The following TSPEAR variants were observed in gnomAD, a reference collection of about 807,000 sequenced individuals.
The protein encoded by TSPEAR is thrombospondin-type laminin G domain and EAR repeat-containing protein.
A neutral mutation model predicts 71.6 loss-of-function variants in TSPEAR; 69 were observed. The observed-to-expected ratio is 0.96, with a 90% CI of 0.79 to 1.18. TSPEAR has a LOEUF of 1.18. TSPEAR is among the 50% of genes most tolerant of loss of function. The pLI is 0.00. For synonymous variants in TSPEAR, 402 were observed against 387.2 expected (o/e 1.04, Z -0.45); for missense variants, 971 against 894.9 (o/e 1.09, Z -1.09).
chr21:44,589,984 C>A (rs1555926212), intron 1 of TSPEAR, among the ~76,000 whole-genome samples: 1 of 152,266 alleles, frequency 6.6e-6, no homozygotes, highest in East Asian at 1.9e-4. Flanking sequence ...TTCATGGGGA[C>A]GTGGCTTTGC....
chr21:44,664,389 G>A (rs901768379), intron 1 of TSPEAR, among the ~76,000 whole-genome samples: 8 of 152,126 alleles, frequency 5.3e-5, no homozygotes, highest in African/African-American at 1.9e-4. Context: ...TATATAAAAT[G>A]TATACATTGA....
At chr21:44,637,706 CCTGTCTGCTG>C (rs1569233414) in intron 1 of TSPEAR, 8 of 341,120 alleles carry the variant, frequency 2.3e-5, no homozygotes, top group Non-Finnish European at 3.4e-5. Context: ...CTGCTGTGTG[CCTGTCTGCTG>C]TGTGCCCGTC....
intron 1 of TSPEAR, among the ~76,000 whole-genome samples, chr21:44,646,029 G>A (rs1447974607): frequency 7.4e-5 from 11 of 148,744 alleles, no homozygotes; most frequent in South Asian, 6.5e-4. Flanking sequence ...GGAGGCTGAG[G>A]TGGGAGAATC....
chr21:44,586,507 C>G (rs1555925698), intron 1 of TSPEAR, among the ~76,000 whole-genome samples: 1 of 152,172 alleles, frequency 6.6e-6, no homozygotes, highest in African/African-American at 2.4e-5. Context: ...TCACCTGCTG[C>G]AAGGACATAA....
chr21:44,579,060 G>A (rs185253878), intron 1 of TSPEAR, among the ~76,000 whole-genome samples: 4 of 152,288 alleles, frequency 2.6e-5, no homozygotes, highest in East Asian at 1.9e-4. Flanking sequence ...GCTGCTAAGC[G>A]GGCAGAACTC....
intron 1 of TSPEAR, among the ~76,000 whole-genome samples, chr21:44,669,576 G>A (rs1241359967): frequency 6.6e-6 from 1 of 152,176 alleles, no homozygotes; most frequent in Non-Finnish European, 1.5e-5. Context: ...CTGTGTGCCT[G>A]CAGTATGGAC....
intron 1 of TSPEAR, among the ~76,000 whole-genome samples, chr21:44,583,678 A>T (rs1555925409): frequency 6.6e-6 from 1 of 152,178 alleles, no homozygotes; most frequent in African/African-American, 2.4e-5. Flanking sequence ...AACTTGAGTG[A>T]TCTAAGATAT....
Position 44,569,804 on chromosome 21 carries a change from C to T in TSPEAR, c.83-1799G>A, listed in dbSNP as rs369456623. ...CAGGGACCACCCCCGATGGAGGCTG[C>T]TGTGTGTGTTTAGGGGGTCCCAGGC... On this transcript the variant is annotated intron_variant, in intron 1 of 11. Coordinates refer to ENST00000323084, the MANE Select transcript of TSPEAR (RefSeq NM_144991.3). Among the ~76,000 whole-genome samples the T allele has an allele frequency of 2.1e-4, 32 of 152,192 alleles. No individual in the cohort carries two copies. The South Asian group carries it at 6.2e-3, about 30-fold the overall frequency.
At chr21:44,671,674 C>T (rs587752624) in intron 1 of TSPEAR, among the ~76,000 whole-genome samples, 12 of 152,254 alleles carry the variant, frequency 7.9e-5, no homozygotes, top group South Asian at 2.1e-4. Flanking sequence ...AACCAGCCAC[C>T]GCCATAGACA....
intron 9 of TSPEAR, chr21:44,519,961 C>T (rs2052698148): frequency 1.3e-5 from 2 of 152,326 alleles, no homozygotes; most frequent in Non-Finnish European, 2.9e-5. Flanking sequence ...AGGCCAATGG[C>T]TGGAAGGAAT....
At chr21:44,502,094 G>A (rs192663918) in intron 11 of TSPEAR, among the ~76,000 whole-genome samples, 2 of 152,268 alleles carry the variant, frequency 1.3e-5, no homozygotes, top group Admixed American at 6.5e-5. Flanking sequence ...GTCTAATAAC[G>A]CGAGGAGATG....
At chr21:44,587,563 C>A (rs1467481622) in intron 1 of TSPEAR, among the ~76,000 whole-genome samples, 2 of 152,096 alleles carry the variant, frequency 1.3e-5, no homozygotes, top group East Asian at 3.8e-4. Flanking sequence ...AAAGGGCCCG[C>A]ATAGCCAAAG....
rs375576012 is a variant in TSPEAR at position 44,533,950 on chromosome 21, C to T, written c.304-27G>A. 1.9e-4 allele frequency: 193 copies of T among 1,006,994 alleles called. 1 individual carries two copies. Among genetic ancestry groups the T allele is most frequent in the East Asian group, 1.7e-3 (36 of 21,500 alleles). 62.4% of individuals were successfully genotyped at this position (1,006,994 alleles called of 1,614,324 possible). A position where few individuals can be genotyped will look rare whatever the true frequency, so the allele number is the denominator to read the frequency against. ...TGTGGAGAGCGGGCCAGGCTCAGGA[C>T]GGGGCTGGGGGTAGGGGTCGGGTGC... On this transcript the variant is annotated intron_variant, in intron 2 of 11. Transcript: ENST00000323084.
At chr21:44,564,573 C>A (rs2053678818) in intron 2 of TSPEAR, among the ~76,000 whole-genome samples, 1 of 152,030 alleles carries the variant, frequency 6.6e-6, no homozygotes, top group Admixed American at 6.6e-5. Context: ...GTCAACCTAT[C>A]ATGAAGGTAT....
intron 1 of TSPEAR, among the ~76,000 whole-genome samples, chr21:44,588,995 GAGA>G (rs1293826840): frequency 2.6e-5 from 4 of 151,562 alleles, no homozygotes; most frequent in East Asian, 3.9e-4. Flanking sequence ...TTTGGGGACT[GAGA>G]GGGAAAGGGC....
In TSPEAR at chr21:44,527,620, G is replaced by A. The variant is rs587667247; in HGVS notation, c.923-102C>T. On this transcript the variant is annotated intron_variant, in intron 6 of 11. Transcript: ENST00000323084. ...TCCCAAGCCCCAAGTCACAAGCCAC[G>A]ACTCCTGCGCCTCAGCCTCGGGCAT... is the stretch of plus-strand genomic sequence containing the variant. 54 of 1,119,020 alleles carry A rather than the reference G, an allele frequency of 4.8e-5. No homozygotes were observed. The South Asian group carries it at 6.1e-4, about 13-fold the overall frequency. 69.3% of individuals were successfully genotyped at this position (1,119,020 alleles called of 1,614,324 possible).
rs782538322 is a variant in TSPEAR at position 44,654,284 on chromosome 21, C to T, written c.82+57149G>A. 31 of 1,613,046 alleles carry T rather than the reference C, an allele frequency of 1.9e-5. No individual in the cohort carries two copies. The highest frequency in any genetic ancestry group is 7.7e-5 in the South Asian group (7 of 91,040). On this transcript the variant is annotated intron_variant, in intron 1 of 11. Coordinates refer to ENST00000323084, the MANE Select transcript of TSPEAR (RefSeq NM_144991.3). ...CATAGGAGGCCACCTGCTCAGCAGC[C>T]AGTGGGGGTGCTCCAGGTGACAGGT...
chr21:44,579,636 G>A, intron 1 of TSPEAR: 4 of 1,117,106 alleles, frequency 3.6e-6, no homozygotes, highest in Middle Eastern at 3.1e-4. Context: ...GGAGTATGGA[G>A]GGGGGGGTCA....
rs370488128 is a variant in TSPEAR at position 44,619,149 on chromosome 21, G to A, written c.83-51144C>T. 1.4e-4 allele frequency among the ~76,000 whole-genome samples: 21 copies of A among 152,166 alleles called. 1 individual carries two copies. In the East Asian group the frequency reaches 1.7e-3, roughly 13 times the overall value. The stretch of plus-strand genomic sequence containing the variant: ...AGGCAGAGTCACAAACTCCCCAGCC[G>A]AGTGCTGAAGGCGTGGACCAACATA... On this transcript the variant is annotated intron_variant, in intron 1 of 11. Coordinates refer to ENST00000323084, the MANE Select transcript of TSPEAR (RefSeq NM_144991.3).
Sources: allele counts gnomAD v4.1 joint callset (sites outside exome capture counted in the v4.1 genomes callset), GRCh38; gene constraint gnomAD v4.1.1; transcripts MANE v1.5; gene names NCBI Gene and HGNC (gene_info 2026-07-23, HGNC 2026-07-21).